Variants in SYNDIG1 observed in about 807,000 individuals in gnomAD.
SYNDIG1 encodes synapse differentiation inducing 1.
In SYNDIG1, 9 loss-of-function variants were observed where a neutral mutation model predicts 19.4. The observed-to-expected ratio is 0.46, with a 90% CI of 0.28 to 0.81. SYNDIG1 has a LOEUF of 0.81. SYNDIG1 is among the 30% of genes least tolerant of loss of function. SYNDIG1 has a pLI of 0.12. For missense variants in SYNDIG1, 311 were observed against 343.3 expected (o/e 0.91, Z 0.74); for synonymous variants, 141 against 145.9 (o/e 0.97, Z 0.24).
intron 1 of SYNDIG1, among the ~76,000 whole-genome samples, chr20:24,494,158 G>T (rs2056234366): frequency 6.6e-6 from 1 of 152,090 alleles, no homozygotes; most frequent in African/African-American, 2.4e-5. Flanking sequence ...CGGGGGCGGG[G>T]CGGCGCGCAT....
At chr20:24,565,680 G>A (rs1350780659) in intron 2 of SYNDIG1, among the ~76,000 whole-genome samples, 1 of 152,192 alleles carries the variant, frequency 6.6e-6, no homozygotes, top group East Asian at 1.9e-4. Flanking sequence ...CCCCTGGGCA[G>A]CAGATCACCC....
rs367635168 is a variant in SYNDIG1, at chr20:24,486,740, C to T, written c.-79+16987C>T. ...GTGGTGCCATCTCGGTTCCCCGAAA[C>T]CTCCACCTCCCGGGTTCAAGCGATT... On this transcript the variant is annotated intron_variant, in intron 1 of 3. Transcript: ENST00000376862. Among the ~76,000 whole-genome samples the T allele has an allele frequency of 5.6e-4, 85 of 152,048 alleles. 1 individual carries two copies. The South Asian group carries it at 0.017, about 31-fold the overall frequency.
At chr20:24,607,472 C>G (rs2058774934) in intron 3 of SYNDIG1, among the ~76,000 whole-genome samples, 1 of 152,186 alleles carries the variant, frequency 6.6e-6, no homozygotes, top group Non-Finnish European at 1.5e-5. Context: ...TCCTCAATGC[C>G]TGATTCACCC....
intron 2 of SYNDIG1, among the ~76,000 whole-genome samples, chr20:24,581,180 C>T (rs769380425): frequency 6.6e-6 from 1 of 151,834 alleles, no homozygotes; most frequent in Non-Finnish European, 1.5e-5. Context: ...CAGCTGGCAT[C>T]GGGGATTCCA....
At chr20:24,527,984 T>C (rs1463112173) in intron 1 of SYNDIG1, among the ~76,000 whole-genome samples, 1 of 152,232 alleles carries the variant, frequency 6.6e-6, no homozygotes, top group African/African-American at 2.4e-5. Flanking sequence ...CAAGGCTATA[T>C]AACTTACTAT....
chr20:24,507,726 C>T (rs1347877718), intron 1 of SYNDIG1, among the ~76,000 whole-genome samples: 2 of 152,206 alleles, frequency 1.3e-5, no homozygotes, highest in African/African-American at 4.8e-5. Context: ...GGCATCTGAG[C>T]TAGGCCGAGG....
chr20:24,580,739 T>C (rs961958933), intron 2 of SYNDIG1, among the ~76,000 whole-genome samples: 1 of 152,160 alleles, frequency 6.6e-6, no homozygotes, highest in South Asian at 2.1e-4. Context: ...TCAATCAAAG[T>C]TGACAAATTA....
At chr20:24,631,963 A>G (rs1044604361) in intron 3 of SYNDIG1, among the ~76,000 whole-genome samples, 2 of 152,240 alleles carry the variant, frequency 1.3e-5, no homozygotes, top group African/African-American at 4.8e-5. Flanking sequence ...TAGATTGCTT[A>G]TAGTTACATC....
chr20:24,618,365 C>G (rs2058981944), intron 3 of SYNDIG1, among the ~76,000 whole-genome samples: 1 of 150,168 alleles, frequency 6.7e-6, no homozygotes, highest in Non-Finnish European at 1.5e-5. Context: ...GGGGGGAGAG[C>G]CTGGGGAAGG....
intron 3 of SYNDIG1, among the ~76,000 whole-genome samples, chr20:24,633,789 A>T (rs1334778267): frequency 6.6e-6 from 1 of 152,106 alleles, no homozygotes; most frequent in Non-Finnish European, 1.5e-5. Context: ...TGCTGAAGTC[A>T]GCCTGTCCTA....
At chr20:24,552,880 G>A (rs1209874210) in intron 2 of SYNDIG1, among the ~76,000 whole-genome samples, 5 of 152,252 alleles carry the variant, frequency 3.3e-5, no homozygotes, top group East Asian at 1.9e-4. Flanking sequence ...CTGAGGAATC[G>A]CCACACTGAA....
chr20:24,628,859 C>CT, intron 3 of SYNDIG1, among the ~76,000 whole-genome samples: 1 of 152,304 alleles, frequency 6.6e-6, no homozygotes, highest in Middle Eastern at 3.4e-3. Context: ...GTCAGCCTTG[C>CT]TTTCCAGTCT....
intron 3 of SYNDIG1, among the ~76,000 whole-genome samples, chr20:24,600,471 C>T (rs2147119785): frequency 6.6e-6 from 1 of 152,272 alleles, no homozygotes; most frequent in East Asian, 1.9e-4. Flanking sequence ...GCCATCCTTC[C>T]TCCTTATCGC....
At chr20:24,593,348 C>T (rs1334548910) in intron 3 of SYNDIG1, among the ~76,000 whole-genome samples, 1 of 152,182 alleles carries the variant, frequency 6.6e-6, no homozygotes, top group Non-Finnish European at 1.5e-5. Flanking sequence ...CTTTCAGCTC[C>T]ATCCATGTTG....
intron 3 of SYNDIG1, among the ~76,000 whole-genome samples, chr20:24,587,930 T>C (rs1208799753): frequency 2.0e-5 from 3 of 152,186 alleles, no homozygotes; most frequent in African/African-American, 7.2e-5. Flanking sequence ...AAATAACTGT[T>C]CAGTGAAGTC....
At chr20:24,529,989 ATGGTGTCAGTGGTGGG>A (rs1568614750) in intron 1 of SYNDIG1, among the ~76,000 whole-genome samples, 2 of 152,360 alleles carry the variant, frequency 1.3e-5, no homozygotes, top group African/African-American at 2.4e-5. Flanking sequence ...GGTGGTGGTG[ATGGTGTCAGTGGTGGG>A]GATAATGATG....
At chr20:24,532,771 G>T (rs1208678479) in intron 1 of SYNDIG1, among the ~76,000 whole-genome samples, 1 of 152,188 alleles carries the variant, frequency 6.6e-6, no homozygotes, top group Non-Finnish European at 1.5e-5. Flanking sequence ...CAGAGACCTG[G>T]GGTCTTCTGC....
rs1164964367 is a variant in SYNDIG1 at position 24,543,217 on chromosome 20, G to A, written c.120G>A (p.Val40=). 1.2e-5 allele frequency: 20 copies of A among 1,613,902 alleles called. No individual in the cohort carries two copies. Among genetic ancestry groups the A allele is most frequent in the Non-Finnish European group, 1.5e-5 (18 of 1,180,024 alleles). ...TGGCCGAGAGCAGAGATGGTCTGGTGTCTGTTTACCCAGCGCCCCAGTACC... is the reference window on the plus strand; with the variant it reads ...TGGCCGAGAGCAGAGATGGTCTGGTATCTGTTTACCCAGCGCCCCAGTACC... ...NLMAESRDGL[V]SVYPAPQYQS... Residue 40 remains valine (V), a synonymous_variant, in exon 2 of 4, where the codon GTG becomes GTA. Transcript: ENST00000376862.
intron 1 of SYNDIG1, among the ~76,000 whole-genome samples, chr20:24,470,911 C>G (rs571064425): frequency 6.6e-6 from 1 of 151,240 alleles, no homozygotes; most frequent in South Asian, 2.1e-4. Flanking sequence ...TCCCTGGCCA[C>G]GTCCTGGTGT....
Sources: allele counts gnomAD v4.1 joint callset (sites outside exome capture counted in the v4.1 genomes callset), GRCh38; gene constraint gnomAD v4.1.1; transcripts MANE v1.5; gene names NCBI Gene and HGNC (gene_info 2026-07-23, HGNC 2026-07-21).